Variants in LTBR observed in about 807,000 individuals in gnomAD.
The protein encoded by LTBR is lymphotoxin beta receptor, also known as tumor necrosis factor receptor superfamily member 3.
In LTBR, 15 loss-of-function variants were observed where a neutral mutation model predicts 45.4. The observed-to-expected ratio is 0.33, with a 90% CI of 0.22 to 0.51. The LOEUF (loss-of-function observed/expected upper bound fraction) is 0.51, where lower values mean the gene tolerates loss of function less well. Ranked by LOEUF, LTBR falls within the 20% of genes least tolerant of loss-of-function variation. The pLI is 0.97. For synonymous variants in LTBR, 228 were observed against 231.0 expected, an observed-to-expected ratio of 0.99 and a Z score of 0.12; for missense variants, 450 against 565.5, an observed-to-expected ratio of 0.80 and a Z score of 2.07.
chr12:6,391,096 G>A lies in LTBR; in HGVS notation c.*159G>A. The A allele has an allele frequency of 8.4e-6, 6 of 716,208 alleles. No individual in the cohort carries two copies. Among genetic ancestry groups the A allele is most frequent in the Middle Eastern group, 8.3e-4 (2 of 2,406 alleles). 44.4% of individuals were successfully genotyped at this position (716,208 alleles called of 1,614,324 possible). ...CACCTCTGAGAGCAGGTGGGCACTG[G>A]CTGGGTACGGTGCCCTCCACAGGAC... On this transcript the variant is annotated 3_prime_UTR_variant, in exon 10 of 10. Transcript: ENST00000228918.
At chr12:6,377,024 G>T (rs1423551992) in intron 1 of LTBR, 1 of 470,658 alleles carries the variant, frequency 2.1e-6, no homozygotes, top group Non-Finnish European at 3.8e-6. Flanking sequence ...AGGGCTAGGG[G>T]AGCCTAGGGG....
chr12:6,382,084 C>A (rs1355883221), upstream of LTBR, among the ~76,000 whole-genome samples: 1 of 60,274 alleles, frequency 1.7e-5, no homozygotes, highest in African/African-American at 2.3e-4. Context: ...GATCAGTGTA[C>A]CTTACGGTTT....
chr12:6,391,208 C>G lies in LTBR; in HGVS notation c.*271C>G. ...CTCAGCCTCAGGCACGGACAGGGCA[C>G]ATGATACCAACTGCTGCCCACTACG... On this transcript the variant is annotated 3_prime_UTR_variant, in exon 10 of 10. Transcript: ENST00000228918. 1 of 357,732 alleles carries G rather than the reference C, an allele frequency of 2.8e-6. No individual in the cohort carries two copies. The allele number at this position is 357,732 out of a possible 1,614,324, so 22.2% of individuals were successfully genotyped here.
intron 1 of LTBR, chr12:6,375,680 G>A: frequency 6.8e-7 from 1 of 1,460,986 alleles, no homozygotes; most frequent in Non-Finnish European, 9.0e-7. Flanking sequence ...CAGGTGAACT[G>A]GGAGTACTGG....
upstream of LTBR, among the ~76,000 whole-genome samples, chr12:6,382,745 A>T (rs1948996869): frequency 6.6e-6 from 1 of 152,190 alleles, no homozygotes; most frequent in Non-Finnish European, 1.5e-5. Context: ...ACCTGTCCAG[A>T]CATCAGACCT....
chr12:6,382,038 A>G (rs1948989854), upstream of LTBR, among the ~76,000 whole-genome samples: 1 of 152,198 alleles, frequency 6.6e-6, no homozygotes, highest in South Asian at 2.1e-4. Flanking sequence ...ATGCAAGAAT[A>G]CACAAAAGTG....
upstream of LTBR, chr12:6,375,280 G>A: frequency 7.0e-7 from 1 of 1,437,828 alleles, no homozygotes; most frequent in Non-Finnish European, 9.1e-7. Context: ...CTCTAATCCT[G>A]CCTCTCTTCC....
Position 6,391,179 on chromosome 12 carries a change from G to A in LTBR, c.*242G>A. ...CCGGCAGACCCACCCACCCCCTGGG[G>A]CTGCTCAGCCTCAGGCACGGACAGG... On this transcript the variant is annotated 3_prime_UTR_variant, in exon 10 of 10. Transcript: ENST00000228918. 1 of 406,622 alleles carries A rather than the reference G, an allele frequency of 2.5e-6. No homozygotes were observed. Among genetic ancestry groups the A allele is most frequent in the Non-Finnish European group, 4.3e-6 (1 of 231,136 alleles). 25.2% of individuals were successfully genotyped at this position (406,622 alleles called of 1,614,324 possible).
intron 4 of LTBR, 95 bp from the exon 5 acceptor site, chr12:6,385,971 A>G (rs1201461461): frequency 1.3e-6 from 1 of 783,308 alleles, no homozygotes; most frequent in Admixed American, 1.8e-5. Flanking sequence ...AATGGGGTGG[A>G]TGGGCATCCT....
intron 8 of LTBR, chr12:6,389,133 G>C (rs536650000): frequency 3.4e-5 from 11 of 321,636 alleles, no homozygotes; most frequent in African/African-American, 2.1e-4. Context: ...GCAAAGGATG[G>C]GGGTATTTTA....
intron 8 of LTBR, 121 bp from the exon 9 acceptor site, chr12:6,389,991 G>T: frequency 2.8e-6 from 2 of 715,048 alleles, no homozygotes; most frequent in Non-Finnish European, 4.8e-6. Context: ...AAGAGAGAGA[G>T]AGAGAGAAAG....
chr12:6,381,204 G>A (rs1387073368), upstream of LTBR, among the ~76,000 whole-genome samples: 1 of 152,154 alleles, frequency 6.6e-6, no homozygotes, highest in Admixed American at 6.5e-5. Context: ...CCATCTCTAG[G>A]CCTGGAAAGA....
At chr12:6,379,159 T>C (rs1196651111) in intron 1 of LTBR, among the ~76,000 whole-genome samples, 2 of 152,096 alleles carry the variant, frequency 1.3e-5, no homozygotes, top group Admixed American at 1.3e-4. Context: ...CCGTTTGGGG[T>C]CCCTGACTTC....
At chr12:6,379,303 T>C (rs1047545718), upstream of LTBR, among the ~76,000 whole-genome samples, 1 of 152,152 alleles carries the variant, frequency 6.6e-6, no homozygotes, top group Non-Finnish European at 1.5e-5. Context: ...CAGAGCGGGA[T>C]ATGCTACGAA....
chr12:6,384,921 G>C (rs1458643131), intron 2 of LTBR, 101 bp from the exon 3 acceptor site: 1 of 1,483,936 alleles, frequency 6.7e-7, no homozygotes, highest in Non-Finnish European at 9.3e-7. Context: ...GATGATGGGG[G>C]GCCAGAGAGA....
chr12:6,378,671 G>C (rs911531349), intron 1 of LTBR, among the ~76,000 whole-genome samples: 1 of 152,196 alleles, frequency 6.6e-6, no homozygotes, highest in Non-Finnish European at 1.5e-5. Context: ...AGTCACCCAG[G>C]AGTTAGGGGT....
At chr12:6,383,946 G>C, upstream of LTBR, 2 of 971,428 alleles carry the variant, frequency 2.1e-6, 1 homozygote. Flanking sequence ...CCTTCCCTCG[G>C]CTGGGCCAGG....
rs957155414 is a variant in LTBR at position 6,384,276 on chromosome 12, G to A, written c.-83G>A. The A allele has an allele frequency of 2.1e-6, 3 of 1,417,554 alleles. No individual in the cohort carries two copies. The highest frequency in any genetic ancestry group is 2.7e-6 in the Non-Finnish European group (3 of 1,091,140). 87.8% of individuals were successfully genotyped at this position (1,417,554 alleles called of 1,614,324 possible). On this transcript the variant is annotated 5_prime_UTR_variant, in exon 1 of 10. Transcript: ENST00000228918. ...TCCCAGGCTCTGGGCTCGGGCAGCC[G>A]CCGCCACCGCTGCCCAGGACGTCGG... is the stretch of plus-strand genomic sequence containing the variant.
At chr12:6,380,651 T>C (rs991720671), upstream of LTBR, among the ~76,000 whole-genome samples, 6 of 150,308 alleles carry the variant, frequency 4.0e-5, no homozygotes, top group South Asian at 1.0e-3. Context: ...GATTGCACCA[T>C]TGCACTCCAG....
Sources: allele counts gnomAD v4.1 joint callset (sites outside exome capture counted in the v4.1 genomes callset), GRCh38; gene constraint gnomAD v4.1.1; transcripts MANE v1.5; gene names NCBI Gene and HGNC (gene_info 2026-07-23, HGNC 2026-07-21).